The following IGF1R variants were observed in gnomAD, a reference collection of about 807,000 sequenced individuals.
IGF1R encodes the protein insulin like growth factor 1 receptor.
Under a neutral mutation model 144.6 loss-of-function variants are expected in IGF1R, and 44 were observed. The ratio of observed to expected loss-of-function variants is 0.30; its 90% CI spans 0.24 to 0.39. The LOEUF is 0.39. IGF1R is among the 10% of genes least tolerant of loss of function. IGF1R has a pLI of 1.00. For missense variants in IGF1R, 1,355 were observed against 1,833.7 expected (o/e 0.74, Z 4.77); for synonymous variants, 795 against 722.8 (o/e 1.10, Z -1.60).
chr15:98,952,843 G>A (rs1014386696), intron 20 of IGF1R: 1 of 152,166 alleles, frequency 6.6e-6, no homozygotes, highest in Middle Eastern at 3.2e-3. Flanking sequence ...CTTTGCCATC[G>A]AGAATTTTTC....
At chr15:98,809,084 A>T (rs2056529547) in intron 2 of IGF1R, among the ~76,000 whole-genome samples, 3 of 152,218 alleles carry the variant, frequency 2.0e-5, no homozygotes, top group African/African-American at 4.8e-5. Context: ...GCTGCAATAT[A>T]GTTCTAGTGT....
At chr15:98,864,330 C>T (rs992105583) in intron 2 of IGF1R, among the ~76,000 whole-genome samples, 1 of 152,158 alleles carries the variant, frequency 6.6e-6, no homozygotes, top group African/African-American at 2.4e-5. Context: ...TTCAGCAGTC[C>T]CAAATCTAAT....
intron 2 of IGF1R, among the ~76,000 whole-genome samples, chr15:98,869,315 C>CAAA (rs60270987): frequency 0.14 from 20,269 of 149,690 alleles, 1,757 homozygotes; most frequent in East Asian, 0.39. Context: ...ACAACAACAA[C>CAAA]AAAAAAAAAC....
chr15:98,730,986 C>G (rs2054484791), intron 2 of IGF1R, among the ~76,000 whole-genome samples: 1 of 152,164 alleles, frequency 6.6e-6, no homozygotes, highest in Admixed American at 6.5e-5. Context: ...GTTAATTCAT[C>G]CTTGTCAATA....
chr15:98,803,226 G>C (rs76058751), intron 2 of IGF1R, among the ~76,000 whole-genome samples: 1 of 152,170 alleles, frequency 6.6e-6, no homozygotes, highest in Non-Finnish European at 1.5e-5. Flanking sequence ...CCTGTTGCTC[G>C]TAGGCTGCAA....
intron 2 of IGF1R, among the ~76,000 whole-genome samples, chr15:98,809,028 G>A (rs1002372450): frequency 2.0e-5 from 3 of 152,170 alleles, no homozygotes; most frequent in Non-Finnish European, 2.9e-5. Context: ...AGCTGCTCAA[G>A]ACATTTACCT....
chr15:98,862,137 T>C (rs1364201373), intron 2 of IGF1R, among the ~76,000 whole-genome samples: 1 of 152,236 alleles, frequency 6.6e-6, no homozygotes, highest in Non-Finnish European at 1.5e-5. Flanking sequence ...GCTAATGCAA[T>C]AAAGATTTTT....
chr15:98,957,841 T>G lies in IGF1R; in HGVS notation c.*399T>G. ...CAGCTGGGAAGCCCTTTTTATCAGTTTGAGGAAGTGGCTGTCCCTGTGGCC... is the reference window on the plus strand; with the variant it reads ...CAGCTGGGAAGCCCTTTTTATCAGTGTGAGGAAGTGGCTGTCCCTGTGGCC... On this transcript the variant is annotated 3_prime_UTR_variant, in exon 21 of 21. Coordinates refer to ENST00000650285, the MANE Select transcript of IGF1R (RefSeq NM_000875.5). 3.4e-6 allele frequency: 1 copy of G among 296,450 alleles called. No individual in the cohort carries two copies. Among genetic ancestry groups the G allele is most frequent in the Non-Finnish European group, 6.3e-6 (1 of 158,558 alleles). 18.4% of individuals were successfully genotyped at this position (296,450 alleles called of 1,614,324 possible).
intron 8 of IGF1R, 72 bp downstream of exon 8, chr15:98,913,354 G>A: frequency 8.6e-7 from 1 of 1,164,360 alleles, no homozygotes; most frequent in Non-Finnish European, 1.3e-6. Context: ...TGTACCAGGT[G>A]TCATTGTAGG....
At position 98,939,378 on chromosome 15, in the gene IGF1R, C is replaced by T. The variant is rs761823630; in HGVS notation, c.3457+18C>T. The T allele has an allele frequency of 3.7e-6, 6 of 1,613,526 alleles. No individual in the cohort carries two copies. The South Asian group carries it at 6.6e-5, about 18-fold the overall frequency. ...AATCGGAGGTGTGTCCTTAGCTTTC[C>T]AGGTCTGGGCAAGAACTAAACTCAG... is the stretch of plus-strand genomic sequence containing the variant. On this transcript the variant is annotated intron_variant, in intron 18 of 20. Coordinates refer to ENST00000650285, the MANE Select transcript of IGF1R (RefSeq NM_000875.5).
At chr15:98,702,033 GTTTT>G (rs35793845) in intron 1 of IGF1R, among the ~76,000 whole-genome samples, 1 of 108,714 alleles carries the variant, frequency 9.2e-6, no homozygotes, top group Non-Finnish European at 1.8e-5. Context: ...GAGTCACGCT[GTTTT>G]TTTTTTTTTT....
chr15:98,897,636 G>T (rs946600027), intron 4 of IGF1R: 1 of 152,402 alleles, frequency 6.6e-6, no homozygotes, highest in Non-Finnish European at 1.5e-5. Flanking sequence ...GAGTGCAATG[G>T]CATAATCATA....
intron 2 of IGF1R, among the ~76,000 whole-genome samples, chr15:98,846,495 A>G (rs1281115043): frequency 6.6e-6 from 1 of 152,230 alleles, no homozygotes; most frequent in Non-Finnish European, 1.5e-5. Context: ...AGTACAGGAA[A>G]AGTTAAGCTC....
chr15:98,650,917 C>G (rs1216597001), intron 1 of IGF1R: 4 of 984,600 alleles, frequency 4.1e-6, no homozygotes, highest in South Asian at 4.7e-5. Flanking sequence ...ATGCGGGGAG[C>G]GAGAACTCCC....
At chr15:98,687,674 G>A (rs905703130) in intron 1 of IGF1R, among the ~76,000 whole-genome samples, 2 of 152,184 alleles carry the variant, frequency 1.3e-5, no homozygotes, top group African/African-American at 4.8e-5. Flanking sequence ...ATGCTGTGTG[G>A]TAACCAGGGG....
rs74035309 is a variant in IGF1R, at chr15:98,651,238, C to G, written c.94+1563C>G. Among the ~76,000 whole-genome samples the G allele has an allele frequency of 2.6e-5, 4 of 152,302 alleles. No homozygotes were observed. In the East Asian group the frequency reaches 7.7e-4, roughly 29 times the overall value. ...AGAAAGGCTGTTTCTATAAACAAAT[C>G]CTTAAACGTCTGGTAAGAAATGAGT... is the stretch of plus-strand genomic sequence containing the variant. On this transcript the variant is annotated intron_variant, in intron 1 of 20. Coordinates refer to ENST00000650285, the MANE Select transcript of IGF1R (RefSeq NM_000875.5).
intron 2 of IGF1R, among the ~76,000 whole-genome samples, chr15:98,843,307 A>G (rs961005099): frequency 6.6e-6 from 1 of 152,148 alleles, no homozygotes; most frequent in Non-Finnish European, 1.5e-5. Flanking sequence ...TTTTTCTCTT[A>G]CCTGCATAAT....
At chr15:98,934,768 A>G (rs2016079475) in intron 15 of IGF1R, 56 bp from the exon 16 acceptor site, 1 of 1,473,124 alleles carries the variant, frequency 6.8e-7, no homozygotes, top group African/African-American at 1.4e-5. Flanking sequence ...CCCCCAAAGC[A>G]CGTTCTGTCT....
intron 1 of IGF1R, among the ~76,000 whole-genome samples, chr15:98,674,849 T>C (rs2052992103): frequency 1.3e-5 from 2 of 152,098 alleles, no homozygotes; most frequent in African/African-American, 2.4e-5. Context: ...AAATTAGTAG[T>C]ATACTATGTA....
Sources: gnomAD v4.1 joint callset for allele counts (sites outside exome capture counted in the v4.1 genomes callset) on GRCh38, gnomAD v4.1.1 for gene constraint, MANE v1.5 for transcripts, NCBI Gene and HGNC (gene_info 2026-07-23, HGNC 2026-07-21) for gene names.